The following MYH8 variants were observed in gnomAD, a reference collection of about 807,000 sequenced individuals.
MYH8 encodes myosin heavy chain 8, also known as myosin-8.
A neutral mutation model predicts 233.2 loss-of-function variants in MYH8; 168 were observed. The ratio of observed to expected loss-of-function variants is 0.72; its 90% CI spans 0.64 to 0.82. The LOEUF (loss-of-function observed/expected upper bound fraction) is 0.82, where lower values mean the gene tolerates loss of function less well. Among genes scored for constraint, MYH8 ranks in the 40% least tolerant of loss-of-function variants. The pLI, the probability that MYH8 is intolerant of heterozygous loss-of-function variation, is 0.00. For missense variants in MYH8, 1,995 were observed against 2,327.8 expected (o/e 0.86, Z 2.94); for synonymous variants, 785 against 850.6 (o/e 0.92, Z 1.34).
rs1310873934 is a variant in MYH8 at position 10,392,099 on chromosome 17, A to G, written c.5569-122T>C. On this transcript the variant is annotated intron_variant, in intron 38 of 39. Coordinates refer to ENST00000403437, the MANE Select transcript of MYH8 (RefSeq NM_002472.3). ...TGGGGTAAACTTGATCAACTCTGAG[A>G]TTTTCTTCATAGAATTAACAGTAGC... 7.5e-6 allele frequency: 6 copies of G among 804,474 alleles called. No homozygotes were observed. In the African/African-American group the frequency reaches 1.0e-4, roughly 14 times the overall value. The allele number at this position is 804,474 out of a possible 1,614,324, so 49.8% of individuals were successfully genotyped here. A position where few individuals can be genotyped will look rare whatever the true frequency, so the allele number is the denominator to read the frequency against.
At chr17:10,413,156 T>A (rs1306051480) in intron 12 of MYH8, among the ~76,000 whole-genome samples, 2 of 152,252 alleles carry the variant, frequency 1.3e-5, no homozygotes, top group African/African-American at 4.8e-5. Context: ...GATTAATTTC[T>A]TTATCTACAA....
chr17:10,402,063 C>T (rs376402360), intron 22 of MYH8, among the ~76,000 whole-genome samples: 8 of 152,210 alleles, frequency 5.3e-5, no homozygotes, highest in South Asian at 2.1e-4. Flanking sequence ...ACCTCTAAAT[C>T]GGGCAAAAGG....
chr17:10,410,149 C>G (rs1219482592), intron 15 of MYH8, among the ~76,000 whole-genome samples: 1 of 152,008 alleles, frequency 6.6e-6, no homozygotes, highest in Admixed American at 6.6e-5. Context: ...ACAAAGAATA[C>G]AAAAATTAGC....
In MYH8 at chr17:10,401,201, A is replaced by G; in HGVS notation, c.3109-10T>C. On this transcript the variant is annotated splice_polypyrimidine_tract_variant and intron_variant, in intron 24 of 39. Transcript: ENST00000403437. ...CCAGAGACCCTTCAAGCTAATAAGA[A>G]AGTAAATATGGTAAAAATTGAAAGT... The G allele has an allele frequency of 6.2e-7, 1 of 1,613,622 alleles. No individual in the cohort carries two copies. Among genetic ancestry groups the G allele is most frequent in the Non-Finnish European group, 8.5e-7 (1 of 1,179,732 alleles).
chr17:10,406,594 A>G (rs945291275), intron 19 of MYH8, 96 bp downstream of exon 19: 67 of 1,355,658 alleles, frequency 4.9e-5, no homozygotes, highest in Admixed American at 1.7e-5. Context: ...AACCTGTTGT[A>G]TTATCCTACC....
rs1015595491 is a variant in MYH8 at position 10,419,603 on chromosome 17, T to C, written c.210+415A>G. On this transcript the variant is annotated intron_variant, in intron 3 of 39. Coordinates refer to ENST00000403437, the MANE Select transcript of MYH8 (RefSeq NM_002472.3). This position sits in a 1 kb window ranked among gnomAD's most constrained non-coding sequence, Gnocchi z 4.0. ...TCCCAGATTTATCAGTTTATATCCT[T>C]TTTTTCTTATTTTAGTAGGCTAAAT... Among the ~76,000 whole-genome samples the C allele has an allele frequency of 6.6e-6, 1 of 152,234 alleles. No homozygotes were observed. The highest frequency in any genetic ancestry group is 2.4e-5 in the African/African-American group (1 of 41,474).
chr17:10,399,642 G>A lies in MYH8; in HGVS notation c.3763C>T (p.Leu1255=), dbSNP rs777344448. ...TTAAGCTCACTCACTTGATCTTCTA[G>A]AGAGCGGCACATCTTTTCAAGGTTT... ...KGNLEKMCRS[L]EDQVSELKTK... The change falls in exon 28 of 40, where the codon CTA becomes TTA. Residue 1255 remains leucine (L), a synonymous_variant. Transcript: ENST00000403437. 21 of 1,614,114 alleles carry A rather than the reference G, an allele frequency of 1.3e-5. 1 individual carries two copies. In the South Asian group the frequency reaches 2.2e-4, roughly 17 times the overall value.
In MYH8 at chr17:10,395,274, C is replaced by A; in HGVS notation, c.4821G>T (p.Glu1607Asp). The change falls in exon 34 of 40, where the codon GAG becomes GAT. Residue 1607 changes from glutamate to aspartate, a missense_variant. Glu to Asp is a conservative substitution (Grantham distance 45, BLOSUM62 2). Around this residue, in one of 3 missense-constraint regions of MYH8, gnomAD observed 1,498 missense variants for 1,680.9 expected, o/e 0.89. Transcript: ENST00000403437. ...TCAGAGCATCATTTCTGCTTCTAATCTCTGCATCCAGCGTGCTCTGCATTG... is the reference window on the plus strand; with the variant it reads ...TCAGAGCATCATTTCTGCTTCTAATATCTGCATCCAGCGTGCTCTGCATTG... ...VETMQSTLDA[E>D]IRSRNDALRV... 6.2e-7 allele frequency: 1 copy of A among 1,614,172 alleles called. No individual in the cohort carries two copies.
intron 22 of MYH8, among the ~76,000 whole-genome samples, chr17:10,404,060 A>T (rs1011294676): frequency 6.6e-6 from 1 of 152,304 alleles, no homozygotes; most frequent in Non-Finnish European, 1.5e-5. Flanking sequence ...TATTTGACTG[A>T]GACTTGGGGG....
At chr17:10,404,655 C>T in intron 21 of MYH8, 70 bp from the exon 22 acceptor site, 1 of 1,586,828 alleles carries the variant, frequency 6.3e-7, no homozygotes, top group Non-Finnish European at 8.6e-7. Context: ...TTATCACACA[C>T]AAATTTCCCT....
Position 10,406,071 on chromosome 17 carries a change from C to G in MYH8, c.2402G>C (p.Arg801Thr), listed in dbSNP as rs1326077263. 2 of 1,614,010 alleles carry G rather than the reference C, an allele frequency of 1.2e-6. No homozygotes were observed. Among genetic ancestry groups the G allele is most frequent in the South Asian group, 1.1e-5 (1 of 91,074 alleles). ...TTGCAACATCTTCTGATATTCTACC[C>G]TCATTAGGAATCCCCTACAGACAGC... ...TQAVCRGFLM[R>T]VEYQKMLQRR... The change falls in exon 21 of 40, where the codon AGG becomes ACG. Residue 801 changes from arginine (R) to threonine (T), a missense_variant. Transcript: ENST00000403437.
intron 17 of MYH8, among the ~76,000 whole-genome samples, chr17:10,408,137 C>T (rs2072212143): frequency 2.6e-5 from 4 of 151,928 alleles, no homozygotes; most frequent in Middle Eastern, 6.8e-3. Context: ...GATGGGGTTT[C>T]ACCATATTGG....
intron 21 of MYH8, among the ~76,000 whole-genome samples, chr17:10,405,130 T>G (rs1823048666): frequency 6.6e-6 from 1 of 152,218 alleles, no homozygotes. Context: ...ATCCACTCTA[T>G]AAACTTTTTT....
In MYH8 at chr17:10,404,372, A is replaced by T. The variant is rs1415343271; in HGVS notation, c.2646T>A (p.Thr882=). The T allele has an allele frequency of 6.2e-7, 1 of 1,613,888 alleles. No homozygotes were observed. Among genetic ancestry groups the T allele is most frequent in the Non-Finnish European group, 8.5e-7 (1 of 1,179,960 alleles). ...GCAGGTCATTTTTCTCTTTTAAGAG[A>T]GTGACCATTTTTTCCTCTAGCTCCT... ...KRKELEEKMV[T]LLKEKNDLQL... is the part of the protein sequence containing the mutation. Residue 882 remains threonine (T), a synonymous_variant, in exon 22 of 40, where the codon ACT becomes ACA. Coordinates refer to ENST00000403437, the MANE Select transcript of MYH8 (RefSeq NM_002472.3).
intron 35 of MYH8, 28 bp downstream of exon 35, chr17:10,394,221 C>T (rs776585718): frequency 6.2e-7 from 1 of 1,613,404 alleles, no homozygotes; most frequent in African/African-American, 1.3e-5. Context: ...ACCAGTACAC[C>T]AGCATTTGTT....
rs1369304427 is a variant in MYH8, at chr17:10,415,078, GTC to G, written c.805+36_805+37del. 10 of 1,583,394 alleles carry G rather than the reference GTC, an allele frequency of 6.3e-6. No homozygotes were observed. In the Admixed American group the frequency reaches 1.3e-4, roughly 21 times the overall value. ...AATATCCCTGCAAATGAAATCACTT[GTC>G]TCTCTGTTTTGATTTTCAATGGTCC... is the stretch of plus-strand genomic sequence containing the variant. On this transcript the variant is annotated intron_variant, in intron 9 of 39. Transcript: ENST00000403437. This position sits in a 1 kb window ranked among gnomAD's most constrained non-coding sequence, Gnocchi z 4.1.
Position 10,392,859 on chromosome 17 carries a change from T to C in MYH8, c.5435A>G (p.Lys1812Arg), listed in dbSNP as rs201598997. ...GGCCTCCAGTTTCTGGATCTGCTTCTTCCCACCCTTCAGCGCCAGCTGCTC... is the reference window on the plus strand; with the variant it reads ...GGCCTCCAGTTTCTGGATCTGCTTCCTCCCACCCTTCAGCGCCAGCTGCTC... ...EAEQLALKGGKKQIQKLEARV... is the reference protein window; with the variant it reads ...EAEQLALKGGRKQIQKLEARV... The change falls in exon 37 of 40, where the codon AAG becomes AGG. Residue 1812 changes from lysine (K) to arginine (R), a missense_variant. Around this residue, in one of 3 missense-constraint regions of MYH8, gnomAD observed 1,498 missense variants for 1,680.9 expected, o/e 0.89. Transcript: ENST00000403437. The C allele has an allele frequency of 1.5e-4, 240 of 1,614,158 alleles. 3 individuals are homozygous for C. In the East Asian group the frequency reaches 4.0e-3, roughly 27 times the overall value.
intron 15 of MYH8, among the ~76,000 whole-genome samples, chr17:10,410,565 G>T (rs2072235247): frequency 6.6e-6 from 1 of 152,202 alleles, no homozygotes; most frequent in African/African-American, 2.4e-5. Flanking sequence ...TTGATCCAGT[G>T]TCAGAATAAG....
intron 22 of MYH8, among the ~76,000 whole-genome samples, chr17:10,403,423 T>TA (rs1236305509): frequency 3.3e-5 from 5 of 152,176 alleles, no homozygotes; most frequent in African/African-American, 1.2e-4. Context: ...AAAAAACGTT[T>TA]AAATGGAATA....
Sources: allele counts gnomAD v4.1 joint callset (sites outside exome capture counted in the v4.1 genomes callset), GRCh38; gene constraint gnomAD v4.1.1; regional missense constraint gnomAD v4.1.1; non-coding constraint Gnocchi (gnomAD v3.1); transcripts MANE v1.5; gene names NCBI Gene and HGNC (gene_info 2026-07-23, HGNC 2026-07-21).